CDH13: variants seen among roughly 807,000 people sequenced by gnomAD.
CDH13 encodes cadherin-13.
In CDH13, 24 loss-of-function variants were observed where a neutral mutation model predicts 63.8. The ratio of observed to expected loss-of-function variants is 0.38; its 90% CI spans 0.27 to 0.53. CDH13 has a LOEUF of 0.53. CDH13 is among the 20% of genes least tolerant of loss of function. The pLI, the probability that CDH13 is intolerant of heterozygous loss-of-function variation, is 0.85. For synonymous variants in CDH13, 503 were observed against 355.3 expected, an observed-to-expected ratio of 1.42 and a Z score of -4.67; for missense variants, 1,049 against 903.1, an observed-to-expected ratio of 1.16 and a Z score of -2.07.
At chr16:83,122,875 C>G (rs954912429) in intron 3 of CDH13, among the ~76,000 whole-genome samples, 2 of 152,056 alleles carry the variant, frequency 1.3e-5, no homozygotes, top group African/African-American at 2.4e-5. Context: ...AACCCATCAC[C>G]CAAAGAGTGA....
intron 6 of CDH13, among the ~76,000 whole-genome samples, chr16:83,400,010 G>T (rs1274639471): frequency 1.3e-5 from 2 of 152,160 alleles, no homozygotes; most frequent in Non-Finnish European, 2.9e-5. Context: ...GAATTGTATG[G>T]TGCCTAATGG....
intron 7 of CDH13, among the ~76,000 whole-genome samples, chr16:83,498,110 A>C (rs2074190371): frequency 6.6e-6 from 1 of 152,226 alleles, no homozygotes; most frequent in Admixed American, 6.5e-5. Flanking sequence ...CATTGACTAA[A>C]TATTGGAGGG....
At chr16:82,835,905 C>T (rs1356475909) in intron 1 of CDH13, among the ~76,000 whole-genome samples, 2 of 152,190 alleles carry the variant, frequency 1.3e-5, no homozygotes, top group Non-Finnish European at 2.9e-5. Flanking sequence ...CTGCTACCAA[C>T]ACCCCCAGGA....
intron 10 of CDH13, among the ~76,000 whole-genome samples, chr16:83,694,048 A>G (rs947728039): frequency 6.6e-6 from 1 of 152,236 alleles, no homozygotes; most frequent in African/African-American, 2.4e-5. Flanking sequence ...AACAGAAACC[A>G]GCATGGGCTA....
chr16:82,982,610 A>C (rs1437220195), intron 2 of CDH13, among the ~76,000 whole-genome samples: 1 of 152,174 alleles, frequency 6.6e-6, no homozygotes, highest in Non-Finnish European at 1.5e-5. Flanking sequence ...ATATCCCCAG[A>C]GAAATGCATT....
intron 2 of CDH13, among the ~76,000 whole-genome samples, chr16:82,955,797 C>A (rs1035087066): frequency 6.6e-6 from 1 of 152,202 alleles, no homozygotes; most frequent in Admixed American, 6.5e-5. Context: ...GAATCTAAGG[C>A]AAGCTCTGCT....
chr16:82,783,684 C>G (rs1243461873), intron 1 of CDH13, among the ~76,000 whole-genome samples: 1 of 152,210 alleles, frequency 6.6e-6, no homozygotes, highest in Non-Finnish European at 1.5e-5. Flanking sequence ...AGTGAGAGGA[C>G]TTCTCGGCTA....
chr16:82,848,664 A>G (rs907976237), intron 1 of CDH13, among the ~76,000 whole-genome samples: 4 of 151,942 alleles, frequency 2.6e-5, no homozygotes, highest in African/African-American at 4.8e-5. Flanking sequence ...TGTTCCACCA[A>G]CTGGCCCTTT....
intron 6 of CDH13, among the ~76,000 whole-genome samples, chr16:83,400,430 A>C (rs996494446): frequency 6.6e-6 from 1 of 152,162 alleles, no homozygotes; most frequent in African/African-American, 2.4e-5. Flanking sequence ...GGATGGGGTC[A>C]TAGTGCGGAG....
intron 11 of CDH13, among the ~76,000 whole-genome samples, chr16:83,777,087 T>C (rs1401562611): frequency 1.3e-5 from 2 of 152,202 alleles, no homozygotes; most frequent in Non-Finnish European, 2.9e-5. Context: ...GAAAAGACAC[T>C]GCTTTCCTGC....
chr16:83,321,408 C>T (rs1374424797), intron 5 of CDH13, among the ~76,000 whole-genome samples: 3 of 152,144 alleles, frequency 2.0e-5, no homozygotes, highest in South Asian at 2.1e-4. Flanking sequence ...TTTAAGTTGG[C>T]GCGGCCTCTA....
At chr16:83,390,718 C>T (rs760830019) in intron 6 of CDH13, among the ~76,000 whole-genome samples, 4 of 152,228 alleles carry the variant, frequency 2.6e-5, no homozygotes, top group African/African-American at 7.2e-5. Context: ...AAACTCAATT[C>T]ACGGTGCTCA....
chr16:83,409,927 A>G (rs973925991), intron 6 of CDH13, among the ~76,000 whole-genome samples: 2 of 152,266 alleles, frequency 1.3e-5, no homozygotes, highest in African/African-American at 4.8e-5. Flanking sequence ...TTTCTGAATT[A>G]CAAGCTGAGA....
rs1913707700 is a variant in CDH13 at position 83,758,627 on chromosome 16, A to G, written c.1681+10377A>G. Among the ~76,000 whole-genome samples, 3 of 152,356 alleles carry G rather than the reference A, an allele frequency of 2.0e-5. No individual in the cohort carries two copies. The South Asian group carries it at 6.2e-4, about 32-fold the overall frequency. On this transcript the variant is annotated intron_variant, in intron 11 of 13. Coordinates refer to ENST00000567109, the MANE Select transcript of CDH13 (RefSeq NM_001257.5). ...AGAAATCTCTTTATTCATAAATGAT[A>G]TGCCTAAAATAATCTAAAAGAATTT... is the stretch of plus-strand genomic sequence containing the variant.
intron 1 of CDH13, among the ~76,000 whole-genome samples, chr16:82,854,735 C>A (rs1457528127): frequency 6.6e-6 from 1 of 152,200 alleles, no homozygotes; most frequent in Non-Finnish European, 1.5e-5. Flanking sequence ...TGAAGTTAGA[C>A]TTCCCTATAC....
intron 7 of CDH13, among the ~76,000 whole-genome samples, chr16:83,494,107 G>C (rs926273736): frequency 1.3e-5 from 2 of 152,156 alleles, no homozygotes; most frequent in East Asian, 1.9e-4. Flanking sequence ...CATCTTTTTA[G>C]ATTTAACAAA....
At chr16:83,105,829 T>C (rs2034736670) in intron 3 of CDH13, among the ~76,000 whole-genome samples, 1 of 152,172 alleles carries the variant, frequency 6.6e-6, no homozygotes, top group African/African-American at 2.4e-5. Flanking sequence ...TGTATCTGTG[T>C]TATCAGGCAG....
At chr16:83,518,881 T>C (rs2074763576) in intron 7 of CDH13, among the ~76,000 whole-genome samples, 2 of 152,236 alleles carry the variant, frequency 1.3e-5, no homozygotes, top group Non-Finnish European at 2.9e-5. Flanking sequence ...GTACGTTTCC[T>C]GAAGCCTCTG....
chr16:83,533,560 C>A (rs753980446), intron 7 of CDH13, among the ~76,000 whole-genome samples: 2 of 151,602 alleles, frequency 1.3e-5, no homozygotes, highest in Non-Finnish European at 2.9e-5. Flanking sequence ...TGGAATGGCA[C>A]GGCCCACGGC....
Sources: gnomAD v4.1 joint callset for allele counts (sites outside exome capture counted in the v4.1 genomes callset) on GRCh38, gnomAD v4.1.1 for gene constraint, MANE v1.5 for transcripts, NCBI Gene and HGNC (gene_info 2026-07-23, HGNC 2026-07-21) for gene names.